ITFG1: variants seen among roughly 807,000 people sequenced by gnomAD.
The protein encoded by ITFG1 is T-cell immunomodulatory protein.
A neutral mutation model predicts 81.8 loss-of-function variants in ITFG1; 34 were observed. That is an observed-to-expected ratio of 0.42 (90% CI 0.32 to 0.55). The LOEUF (loss-of-function observed/expected upper bound fraction) is 0.55. ITFG1 is among the 20% of genes least tolerant of loss of function. ITFG1 has a pLI of 0.17. For missense variants in ITFG1, 672 were observed against 755.4 expected, an observed-to-expected ratio of 0.89 and a Z score of 1.29; for synonymous variants, 285 against 270.6, an observed-to-expected ratio of 1.05 and a Z score of -0.52.
intron 6 of ITFG1, among the ~76,000 whole-genome samples, chr16:47,410,649 A>G (rs1596965585): frequency 6.6e-6 from 1 of 152,108 alleles, no homozygotes; most frequent in South Asian, 2.1e-4. Context: ...TCCTGGCCCT[A>G]AACAGCTCCT....
intron 14 of ITFG1, among the ~76,000 whole-genome samples, chr16:47,217,849 C>T (rs554110427): frequency 2.6e-5 from 4 of 152,170 alleles, no homozygotes; most frequent in Non-Finnish European, 5.9e-5. Context: ...GGCGGGAACC[C>T]GGGAGGCGGA....
At chr16:47,164,819 G>C (rs1408144531) in intron 14 of ITFG1, among the ~76,000 whole-genome samples, 1 of 152,246 alleles carries the variant, frequency 6.6e-6, no homozygotes, top group Non-Finnish European at 1.5e-5. Context: ...GCTCCAAGGA[G>C]GTCAGTCATA....
At chr16:47,163,924 C>CACACACACACACACACACACACACACAT (rs1406516167) in intron 14 of ITFG1, among the ~76,000 whole-genome samples, 2 of 146,120 alleles carry the variant, frequency 1.4e-5, no homozygotes, top group Non-Finnish European at 3.0e-5. Flanking sequence ...TACACACACA[C>CACACACACACACACACACACACACACAT]ACACACACAC....
intron 2 of ITFG1, among the ~76,000 whole-genome samples, chr16:47,457,736 T>C (rs1310117977): frequency 1.3e-5 from 2 of 152,212 alleles, no homozygotes; most frequent in Non-Finnish European, 2.9e-5. Context: ...ATATTTGTTT[T>C]AACTTATCAG....
At chr16:47,348,474 A>G (rs1390703008) in intron 8 of ITFG1, among the ~76,000 whole-genome samples, 1 of 152,214 alleles carries the variant, frequency 6.6e-6, no homozygotes. Flanking sequence ...TGGAAGATCA[A>G]ATGAGCAAAA....
intron 5 of ITFG1, among the ~76,000 whole-genome samples, chr16:47,447,361 C>A (rs1043562439): frequency 6.6e-6 from 1 of 151,976 alleles, no homozygotes; most frequent in African/African-American, 2.4e-5. Context: ...AAATATACAT[C>A]TAAAAATTAT....
chr16:47,371,673 C>T (rs2151589247), intron 7 of ITFG1, among the ~76,000 whole-genome samples: 1 of 152,222 alleles, frequency 6.6e-6, no homozygotes, highest in East Asian at 1.9e-4. Context: ...CAGTGGTTCT[C>T]AACTGAGGGA....
intron 8 of ITFG1, chr16:47,365,559 A>G (rs1567475533): frequency 2.4e-6 from 1 of 419,948 alleles, no homozygotes; most frequent in South Asian, 5.9e-5. Context: ...TTACTTCTGC[A>G]AACAGTATCA....
intron 12 of ITFG1, among the ~76,000 whole-genome samples, chr16:47,239,388 A>G (rs1489000137): frequency 6.6e-6 from 1 of 151,990 alleles, no homozygotes; most frequent in Non-Finnish European, 1.5e-5. Flanking sequence ...TTTAGTAGAG[A>G]CGGGGTTTCA....
At chr16:47,428,246 T>A (rs1488048472) in intron 6 of ITFG1, among the ~76,000 whole-genome samples, 1 of 152,186 alleles carries the variant, frequency 6.6e-6, no homozygotes, top group East Asian at 1.9e-4. Flanking sequence ...AAAGTGAAAT[T>A]ATATGTTTGG....
chr16:47,324,530 G>A lies in ITFG1; in HGVS notation c.803-10707C>T, dbSNP rs557153424. Among the ~76,000 whole-genome samples the A allele has an allele frequency of 1.5e-3, 222 of 152,092 alleles. 2 individuals carry two copies. The highest frequency in any genetic ancestry group is 5.1e-3 in the African/African-American group (211 of 41,458). ...ATGGGTTAAATGCTCCAATTAAAAG[G>A]CACGGACTGGCAAATTGGATAAAGA... On this transcript the variant is annotated intron_variant, in intron 8 of 17. Coordinates refer to ENST00000320640, the MANE Select transcript of ITFG1 (RefSeq NM_030790.5).
chr16:47,366,932 T>A (rs1477215241), intron 7 of ITFG1, among the ~76,000 whole-genome samples: 1 of 152,172 alleles, frequency 6.6e-6, no homozygotes, highest in South Asian at 2.1e-4. Context: ...CAATCATTTC[T>A]GCAGTGGATA....
At chr16:47,303,053 C>T (rs1194551996) in intron 10 of ITFG1, among the ~76,000 whole-genome samples, 1 of 152,054 alleles carries the variant, frequency 6.6e-6, no homozygotes, top group Non-Finnish European at 1.5e-5. Flanking sequence ...GGGTGGATCA[C>T]GAGGTCAGGA....
intron 14 of ITFG1, among the ~76,000 whole-genome samples, chr16:47,165,407 C>T (rs927584573): frequency 3.9e-5 from 6 of 152,202 alleles, no homozygotes; most frequent in Non-Finnish European, 8.8e-5. Context: ...AACTGGAAAA[C>T]AGTATAGTGA....
chr16:47,304,210 T>C lies in ITFG1; in HGVS notation c.1070+7030A>G, dbSNP rs111683883. Among the ~76,000 whole-genome samples the C allele has an allele frequency of 2.1e-3, 313 of 152,280 alleles. 4 individuals are homozygous for C. Among genetic ancestry groups the C allele is most frequent in the African/African-American group, 7.2e-3 (298 of 41,540 alleles). Reference sequence around the variant, plus strand: ...CTAGCTGTCACAGATCTCTTGGAATTAAAGTCATCGCTCATGTTGTGCCAG... The same window carrying C: ...CTAGCTGTCACAGATCTCTTGGAATCAAAGTCATCGCTCATGTTGTGCCAG... On this transcript the variant is annotated intron_variant, in intron 10 of 17. Coordinates refer to ENST00000320640, the MANE Select transcript of ITFG1 (RefSeq NM_030790.5).
At chr16:47,317,356 TTTAA>T (rs1345073199) in intron 8 of ITFG1, among the ~76,000 whole-genome samples, 4 of 152,226 alleles carry the variant, frequency 2.6e-5, no homozygotes, top group Non-Finnish European at 5.9e-5. Context: ...AATTTTTGTT[TTTAA>T]TTAAGCAGAG....
chr16:47,196,975 C>T (rs1281952365), intron 14 of ITFG1, among the ~76,000 whole-genome samples: 1 of 152,018 alleles, frequency 6.6e-6, no homozygotes, highest in Non-Finnish European at 1.5e-5. Context: ...ATTTAGAGAT[C>T]CTAAGGCTGA....
At chr16:47,187,831 C>T (rs935310931) in intron 14 of ITFG1, among the ~76,000 whole-genome samples, 10 of 152,062 alleles carry the variant, frequency 6.6e-5, no homozygotes, top group Non-Finnish European at 1.3e-4. Context: ...AGGCAACCTA[C>T]AAAATGGGAG....
At chr16:47,184,025 G>A (rs1343588950) in intron 14 of ITFG1, among the ~76,000 whole-genome samples, 2 of 152,194 alleles carry the variant, frequency 1.3e-5, no homozygotes, top group African/African-American at 4.8e-5. Flanking sequence ...TCAACTGGAA[G>A]AAAGGGTATC....
Sources: gnomAD v4.1 joint callset for allele counts (sites outside exome capture counted in the v4.1 genomes callset) on GRCh38, gnomAD v4.1.1 for gene constraint, MANE v1.5 for transcripts, NCBI Gene and HGNC (gene_info 2026-07-23, HGNC 2026-07-21) for gene names.